PGP: variants seen among roughly 807,000 people sequenced by gnomAD.
PGP encodes the protein phosphoglycolate phosphatase.
Under a neutral mutation model 19.3 loss-of-function variants are expected in PGP, and 9 were observed. That is an observed-to-expected ratio of 0.47 (90% CI 0.28 to 0.81). The LOEUF (loss-of-function observed/expected upper bound fraction) is 0.81. Ranked by LOEUF, PGP falls within the 40% of genes least tolerant of loss-of-function variation. PGP has a pLI of 0.11. For synonymous variants in PGP, 308 were observed against 226.8 expected, an observed-to-expected ratio of 1.36 and a Z score of -3.22; for missense variants, 403 against 479.9, an observed-to-expected ratio of 0.84 and a Z score of 1.50.
Position 2,214,555 on chromosome 16 carries a change from C to T in PGP, c.223G>A (p.Ala75Thr), listed in dbSNP as rs1168680606. 6.8e-7 allele frequency: 1 copy of T among 1,463,530 alleles called. No homozygotes were observed. The highest frequency in any genetic ancestry group is 1.3e-5 in the South Asian group (1 of 77,400). 90.7% of individuals were successfully genotyped at this position (1,463,530 alleles called of 1,614,324 possible). Residue 75 changes from alanine to threonine, a missense_variant, in exon 1 of 2, where the codon GCT (alanine) becomes ACT (threonine). Physicochemically the swap from Ala to Thr is moderately conservative, Grantham distance 58. Coordinates refer to ENST00000333503, the MANE Select transcript of PGP (RefSeq NM_001042371.3). The surrounding 1 kb of genome is among the most constrained non-coding windows in gnomAD (Gnocchi z 7.1). ...FITNNSSKTR[A>T]AYAEKLRRLG... ...CGCCGCAGCTTCTCGGCGTAGGCAGCGCGGGTCTTGCTGCTGTTGTTGGTG... is the reference window on the plus strand; with the variant it reads ...CGCCGCAGCTTCTCGGCGTAGGCAGTGCGGGTCTTGCTGCTGTTGTTGGTG...
chr16:2,214,837 C>A lies in PGP; in HGVS notation c.-60G>T. 1.8e-6 allele frequency: 1 copy of A among 560,850 alleles called. No individual in the cohort carries two copies. The highest frequency in any genetic ancestry group is 1.5e-4 in the East Asian group (1 of 6,808). 34.7% of individuals were successfully genotyped at this position (560,850 alleles called of 1,614,324 possible). A position where few individuals can be genotyped will look rare whatever the true frequency, so the allele number is the denominator to read the frequency against. The stretch of plus-strand genomic sequence containing the variant: ...TCCTCGCAGCCGCCCGCCGCGGCGC[C>A]CTCCCCGCCCCCGGGGCGCTCATTG... On this transcript the variant is annotated 5_prime_UTR_variant, in exon 1 of 2. Coordinates refer to ENST00000333503, the MANE Select transcript of PGP (RefSeq NM_001042371.3). The surrounding 1 kb of genome is among the most constrained non-coding windows in gnomAD (Gnocchi z 7.1).
rs1429240331 is a variant in PGP, at chr16:2,214,203, C to T, written c.575G>A (p.Gly192Asp). 9.4e-6 allele frequency: 15 copies of T among 1,595,838 alleles called. No individual in the cohort carries two copies. The highest frequency in any genetic ancestry group is 5.3e-5 in the African/African-American group (4 of 74,844). The change falls in exon 1 of 2, where the codon GGC becomes GAC. Residue 192 changes from glycine (G) to aspartate (D), a missense_variant. Coordinates refer to ENST00000333503, the MANE Select transcript of PGP (RefSeq NM_001042371.3). The surrounding 1 kb of genome is among the most constrained non-coding windows in gnomAD (Gnocchi z 7.1). ...CATGTTGGTGCCCACGAGCAGGCAG[C>T]CGGGCTGCTGCAGGTAGCGCAGGGC... ...TKALRYLQQP[G>D]CLLVGTNMDN...
rs2093380981 is a variant in PGP, at chr16:2,213,671, G to A, written c.*57C>T. ...ATGCTTAAGCCCCACCTATTAATTTGGGTAACTGGTTTTCAATTTCTTTTT... is the reference window on the plus strand; with the variant it reads ...ATGCTTAAGCCCCACCTATTAATTTAGGTAACTGGTTTTCAATTTCTTTTT... On this transcript the variant is annotated 3_prime_UTR_variant, in exon 2 of 2. Coordinates refer to ENST00000333503, the MANE Select transcript of PGP (RefSeq NM_001042371.3). 8.3e-6 allele frequency: 12 copies of A among 1,446,956 alleles called. No homozygotes were observed. The highest frequency in any genetic ancestry group is 1.1e-5 in the Non-Finnish European group (12 of 1,090,496). The allele number at this position is 1,446,956 out of a possible 1,614,324, so 89.6% of individuals were successfully genotyped here. A position where few individuals can be genotyped will look rare whatever the true frequency, so the allele number is the denominator to read the frequency against.
Position 2,214,533 on chromosome 16 carries a change from C to G in PGP, c.245G>C (p.Arg82Pro). ...CGCGGGGCCGCCGAAGCCCAGGCGC[C>G]GCAGCTTCTCGGCGTAGGCAGCGCG... The part of the protein sequence containing the change: ...KTRAAYAEKL[R>P]RLGFGGPAGP... The change falls in exon 1 of 2, where the codon CGG becomes CCG. Residue 82 changes from arginine to proline, a missense_variant. Physicochemically the swap from Arg to Pro is moderately radical, Grantham distance 103 (BLOSUM62 -2). Transcript: ENST00000333503. The surrounding 1 kb of genome is among the most constrained non-coding windows in gnomAD (Gnocchi z 7.1). The G allele has an allele frequency of 6.9e-7, 1 of 1,449,604 alleles. No individual in the cohort carries two copies. Among genetic ancestry groups the G allele is most frequent in the Non-Finnish European group, 9.1e-7 (1 of 1,103,796 alleles). The allele number at this position is 1,449,604 out of a possible 1,614,324, so 89.8% of individuals were successfully genotyped here.
rs1334248841 is a variant in PGP at position 2,214,356 on chromosome 16, A to T, written c.422T>A (p.Val141Glu). 5 of 1,504,634 alleles carry T rather than the reference A, an allele frequency of 3.3e-6. No homozygotes were observed. Among genetic ancestry groups the T allele is most frequent in the Non-Finnish European group, 3.5e-6 (4 of 1,134,684 alleles). 93.2% of individuals were successfully genotyped at this position (1,504,634 alleles called of 1,614,324 possible). A position where few individuals can be genotyped will look rare whatever the true frequency, so the allele number is the denominator to read the frequency against. ...AELEAVGVAS[V>E]GVGPEPLQGE... ...CTGCAGTGGCTCGGGCCCCACGCCCACGCTGGCGACGCCCACGGCCTCCAG... is the reference window on the plus strand; with the variant it reads ...CTGCAGTGGCTCGGGCCCCACGCCCTCGCTGGCGACGCCCACGGCCTCCAG... Residue 141 changes from valine to glutamate, a missense_variant, in exon 1 of 2, where the codon GTG becomes GAG. Coordinates refer to ENST00000333503, the MANE Select transcript of PGP (RefSeq NM_001042371.3). The surrounding 1 kb of genome is among the most constrained non-coding windows in gnomAD (Gnocchi z 7.1).
In PGP at chr16:2,214,764, T is replaced by C. The variant is rs1344237746; in HGVS notation, c.14A>G (p.Glu5Gly). The C allele has an allele frequency of 1.8e-6, 2 of 1,126,724 alleles. No individual in the cohort carries two copies. The highest frequency in any genetic ancestry group is 1.1e-6 in the Non-Finnish European group (1 of 918,724). The allele number at this position is 1,126,724 out of a possible 1,614,324, so 69.8% of individuals were successfully genotyped here. A position where few individuals can be genotyped will look rare whatever the true frequency, so the allele number is the denominator to read the frequency against. Residue 5 changes from glutamate (E) to glycine (G), a missense_variant, in exon 1 of 2, where the codon GAG becomes GGG. Glu to Gly is a moderately conservative substitution (Grantham distance 98). Coordinates refer to ENST00000333503, the MANE Select transcript of PGP (RefSeq NM_001042371.3). This position sits in a 1 kb window ranked among gnomAD's most constrained non-coding sequence, Gnocchi z 7.1. ...GCAGCGGGCGTCGTCGCCACCGGCCTCCGCCGCCGCCATCGCCGCCCGCCG... is the reference window on the plus strand; with the variant it reads ...GCAGCGGGCGTCGTCGCCACCGGCCCCCGCCGCCGCCATCGCCGCCCGCCG... MAAA[E>G]AGGDDARCVR...
rs1474076672 is a variant in PGP, at chr16:2,213,098, C to T, written c.*630G>A. On this transcript the variant is annotated 3_prime_UTR_variant, in exon 2 of 2. Transcript: ENST00000333503. ...GGGCAGCAGCCCTGGGTATCTGAAA[C>T]GGAACAGACACTCAGTTGTGACATC... 19 of 985,518 alleles carry T rather than the reference C, an allele frequency of 1.9e-5. No individual in the cohort carries two copies. Among genetic ancestry groups the T allele is most frequent in the Non-Finnish European group, 2.3e-5 (19 of 829,958 alleles). The allele number at this position is 985,518 out of a possible 1,614,324, so 61.0% of individuals were successfully genotyped here. A position where few individuals can be genotyped will look rare whatever the true frequency, so the allele number is the denominator to read the frequency against.
Position 2,213,128 on chromosome 16 carries a change from T to C in PGP, c.*600A>G. ...CAGACACTCAGTTGTGACATCAGAG[T>C]GGTTTTCAAGGAAGTAAGGGAGGTG... is the stretch of plus-strand genomic sequence containing the variant. On this transcript the variant is annotated 3_prime_UTR_variant, in exon 2 of 2. Coordinates refer to ENST00000333503, the MANE Select transcript of PGP (RefSeq NM_001042371.3). 1.0e-6 allele frequency: 1 copy of C among 985,378 alleles called. No individual in the cohort carries two copies. Among genetic ancestry groups the C allele is most frequent in the Admixed American group, 6.1e-5 (1 of 16,274 alleles). 61.0% of individuals were successfully genotyped at this position (985,378 alleles called of 1,614,324 possible).
Position 2,212,212 on chromosome 16 carries a change from G to T in PGP, c.*1516C>A, listed in dbSNP as rs2093377131. 1.0e-6 allele frequency: 1 copy of T among 985,848 alleles called. No individual in the cohort carries two copies. Among genetic ancestry groups the T allele is most frequent in the Non-Finnish European group, 1.2e-6 (1 of 830,024 alleles). 61.1% of individuals were successfully genotyped at this position (985,848 alleles called of 1,614,324 possible). On this transcript the variant is annotated 3_prime_UTR_variant, in exon 2 of 2. Coordinates refer to ENST00000333503, the MANE Select transcript of PGP (RefSeq NM_001042371.3). ...CCAGCGTCAGTGTCACCAGCCTCAT[G>T]GGTGGAGCCACCCTCATGCTGCTCT... is the stretch of plus-strand genomic sequence containing the variant.
In PGP at chr16:2,214,225, G is replaced by A. The variant is rs745529796; in HGVS notation, c.553C>T (p.Leu185=). The A allele has an allele frequency of 5.6e-6, 9 of 1,594,854 alleles. No individual in the cohort carries two copies. In the East Asian group the frequency reaches 6.7e-5, roughly 12 times the overall value. The change falls in exon 1 of 2, where the codon CTG becomes TTG. Residue 185 remains leucine (L), a synonymous_variant. Coordinates refer to ENST00000333503, the MANE Select transcript of PGP (RefSeq NM_001042371.3). This position sits in a 1 kb window ranked among gnomAD's most constrained non-coding sequence, Gnocchi z 7.1. ...CAGCCGGGCTGCTGCAGGTAGCGCAGGGCCTTGGTGAGCTTCATGTAGCTG... is the reference window on the plus strand; with the variant it reads ...CAGCCGGGCTGCTGCAGGTAGCGCAAGGCCTTGGTGAGCTTCATGTAGCTG... The part of the protein sequence containing the change: ...HFSYMKLTKA[L]RYLQQPGCLL...
chr16:2,213,388 GGA>G lies in PGP; in HGVS notation c.*338_*339del. The G allele has an allele frequency of 9.9e-7, 1 of 1,005,868 alleles. No individual in the cohort carries two copies. Among genetic ancestry groups the G allele is most frequent in the Non-Finnish European group, 1.2e-6 (1 of 838,368 alleles). 62.3% of individuals were successfully genotyped at this position (1,005,868 alleles called of 1,614,324 possible). A position where few individuals can be genotyped will look rare whatever the true frequency, so the allele number is the denominator to read the frequency against. On this transcript the variant is annotated 3_prime_UTR_variant, in exon 2 of 2. Coordinates refer to ENST00000333503, the MANE Select transcript of PGP (RefSeq NM_001042371.3). Reference sequence around the variant, plus strand: ...TGAATGAGTTTTTCAATAAAATACAGGACACACACCCCTAGACCCGCCTCAGT... The same window carrying G: ...TGAATGAGTTTTTCAATAAAATACAGCACACACCCCTAGACCCGCCTCAGT...
chr16:2,212,380 G>A lies in PGP; in HGVS notation c.*1348C>T, dbSNP rs1042504679. The A allele has an allele frequency of 1.9e-5, 19 of 986,034 alleles. No homozygotes were observed. The highest frequency in any genetic ancestry group is 1.9e-5 in the Non-Finnish European group (16 of 830,200). The allele number at this position is 986,034 out of a possible 1,614,324, so 61.1% of individuals were successfully genotyped here. Reference sequence around the variant, plus strand: ...GAAGCTGCCAGGTACAGGGAAAGGCGCTGGTAGGGAGCCAGCCAGAAGGTG... The same window carrying A: ...GAAGCTGCCAGGTACAGGGAAAGGCACTGGTAGGGAGCCAGCCAGAAGGTG... On this transcript the variant is annotated 3_prime_UTR_variant, in exon 2 of 2. Transcript: ENST00000333503.
In PGP at chr16:2,213,078, G is replaced by C; in HGVS notation, c.*650C>G. The C allele has an allele frequency of 5.1e-6, 5 of 985,508 alleles. No homozygotes were observed. Among genetic ancestry groups the C allele is most frequent in the Non-Finnish European group, 6.0e-6 (5 of 829,944 alleles). 61.0% of individuals were successfully genotyped at this position (985,508 alleles called of 1,614,324 possible). A position where few individuals can be genotyped will look rare whatever the true frequency, so the allele number is the denominator to read the frequency against. ...TGGGCTGCGTTTACAGAACTGGGCA[G>C]CAGCCCTGGGTATCTGAAACGGAAC... On this transcript the variant is annotated 3_prime_UTR_variant, in exon 2 of 2. Coordinates refer to ENST00000333503, the MANE Select transcript of PGP (RefSeq NM_001042371.3).
In PGP at chr16:2,214,575, T is replaced by A; in HGVS notation, c.203A>T (p.Asn68Ile). Residue 68 changes from asparagine to isoleucine, a missense_variant, in exon 1 of 2, where the codon AAC becomes ATC. Asn to Ile is a moderately radical substitution (Grantham distance 149). Transcript: ENST00000333503. The surrounding 1 kb of genome is among the most constrained non-coding windows in gnomAD (Gnocchi z 7.1). ...GGCAGCGCGGGTCTTGCTGCTGTTG[T>A]TGGTGATGAAGCCCAGGCGCTTGCC... is the stretch of plus-strand genomic sequence containing the variant. ...ARGKRLGFITNNSSKTRAAYA... is the reference protein window; with the variant it reads ...ARGKRLGFITINSSKTRAAYA... 1 of 1,472,702 alleles carries A rather than the reference T, an allele frequency of 6.8e-7. No homozygotes were observed. The highest frequency in any genetic ancestry group is 9.0e-7 in the Non-Finnish European group (1 of 1,116,300). The allele number at this position is 1,472,702 out of a possible 1,614,324, so 91.2% of individuals were successfully genotyped here.
Position 2,214,094 on chromosome 16 carries a change from G to GTCCC in PGP, c.641-42_641-41insGGGA. The GTCCC allele has an allele frequency of 6.5e-7, 1 of 1,544,862 alleles. No homozygotes were observed. Among genetic ancestry groups the GTCCC allele is most frequent in the Non-Finnish European group, 8.7e-7 (1 of 1,152,948 alleles). On this transcript the variant is annotated intron_variant, in intron 1 of 1. Transcript: ENST00000333503. This position sits in a 1 kb window ranked among gnomAD's most constrained non-coding sequence, Gnocchi z 7.1. Reference sequence around the variant, plus strand: ...GACCGGGTCAAAGGGCAGGGAGGGGGCCCGCCGCCCGCCCCCCAGCCTCCC... The same window carrying GTCCC: ...GACCGGGTCAAAGGGCAGGGAGGGGGTCCCCCCGCCGCCCGCCCCCCAGCCTCCC...
rs1012028989 is a variant in PGP, at chr16:2,212,665, T to A, written c.*1063A>T. The A allele has an allele frequency of 1.0e-6, 1 of 985,386 alleles. No individual in the cohort carries two copies. The highest frequency in any genetic ancestry group is 1.2e-6 in the Non-Finnish European group (1 of 829,948). 61.0% of individuals were successfully genotyped at this position (985,386 alleles called of 1,614,324 possible). A position where few individuals can be genotyped will look rare whatever the true frequency, so the allele number is the denominator to read the frequency against. On this transcript the variant is annotated 3_prime_UTR_variant, in exon 2 of 2. Transcript: ENST00000333503. ...TGCTTTGTAAAGGACTTCCTGTTCTTGGGGACATAACTCTCGTCCCCTCCC... is the reference window on the plus strand; with the variant it reads ...TGCTTTGTAAAGGACTTCCTGTTCTAGGGGACATAACTCTCGTCCCCTCCC...
chr16:2,214,178 C>T lies in PGP; in HGVS notation c.600G>A (p.Met200Ile), dbSNP rs751997189. 2.8e-5 allele frequency: 45 copies of T among 1,592,840 alleles called. No homozygotes were observed. The East Asian group carries it at 1.0e-3, about 36-fold the overall frequency. Residue 200 changes from methionine (M) to isoleucine (I), a missense_variant, in exon 1 of 2, where the codon ATG becomes ATA. Coordinates refer to ENST00000333503, the MANE Select transcript of PGP (RefSeq NM_001042371.3). This position sits in a 1 kb window ranked among gnomAD's most constrained non-coding sequence, Gnocchi z 7.1. The stretch of plus-strand genomic sequence containing the variant: ...CGTTCTCAAGCGGAAGCCGGTTGTC[C>T]ATGTTGGTGCCCACGAGCAGGCAGC... ...QPGCLLVGTN[M>I]DNRLPLENGR...
rs1401994179 is a variant in PGP, at chr16:2,212,788, C to A, written c.*940G>T. 1.0e-5 allele frequency: 10 copies of A among 985,500 alleles called. No homozygotes were observed. The African/African-American group carries it at 1.6e-4, about 15-fold the overall frequency. 61.0% of individuals were successfully genotyped at this position (985,500 alleles called of 1,614,324 possible). A position where few individuals can be genotyped will look rare whatever the true frequency, so the allele number is the denominator to read the frequency against. On this transcript the variant is annotated 3_prime_UTR_variant, in exon 2 of 2. Coordinates refer to ENST00000333503, the MANE Select transcript of PGP (RefSeq NM_001042371.3). ...TGGATGACAGGCATTCCTTGGCCAA[C>A]ACATGCTTCAGCCGCGCTGCCGGCT...
In PGP at chr16:2,211,881, A is replaced by T; in HGVS notation, c.*1847T>A. The T allele has an allele frequency of 1.0e-6, 1 of 985,484 alleles. No homozygotes were observed. The highest frequency in any genetic ancestry group is 1.2e-6 in the Non-Finnish European group (1 of 829,960). 61.0% of individuals were successfully genotyped at this position (985,484 alleles called of 1,614,324 possible). ...ACCAGGCTGGGAGTGGGCAGTTGGC[A>T]TTCCAGCTCTGGAGTTGGAACCCCA... On this transcript the variant is annotated 3_prime_UTR_variant, in exon 2 of 2. Coordinates refer to ENST00000333503, the MANE Select transcript of PGP (RefSeq NM_001042371.3).
Sources: gnomAD v4.1 joint callset for allele counts on GRCh38, gnomAD v4.1.1 for gene constraint, Gnocchi (gnomAD v3.1) non-coding constraint, MANE v1.5 for transcripts, NCBI Gene and HGNC (gene_info 2026-07-23, HGNC 2026-07-21) for gene names.